Variants in ARIH2 observed in about 807,000 individuals in gnomAD.
ARIH2 encodes ariadne RBR E3 ubiquitin protein ligase 2, also known as E3 ubiquitin-protein ligase ARIH2.
A neutral mutation model predicts 79.8 loss-of-function variants in ARIH2; 12 were observed. The observed-to-expected ratio is 0.15, with a 90% CI of 0.10 to 0.24. ARIH2 has a LOEUF of 0.24. Ranked by LOEUF, ARIH2 falls within the 10% of genes least tolerant of loss-of-function variation. ARIH2 has a pLI of 1.00. For missense variants in ARIH2, 301 were observed against 618.3 expected (o/e 0.49, Z 5.44); for synonymous variants, 224 against 213.9 (o/e 1.05, Z -0.41).
intron 3 of ARIH2, among the ~76,000 whole-genome samples, chr3:48,951,306 T>G (rs1030122907): frequency 1.5e-4 from 23 of 152,132 alleles, no homozygotes; most frequent in African/African-American, 5.1e-4. Flanking sequence ...TAAATTCATT[T>G]ATTAGTGTTT....
intron 1 of ARIH2, among the ~76,000 whole-genome samples, chr3:48,920,834 G>A (rs2084713239): frequency 1.6e-5 from 1 of 63,842 alleles, no homozygotes; most frequent in Non-Finnish European, 3.0e-5. Context: ...GGTGGCGGGC[G>A]CCTGTAATCC....
intron 11 of ARIH2, chr3:48,975,226 G>A (rs1005727265): frequency 3.3e-6 from 2 of 611,110 alleles, no homozygotes; most frequent in East Asian, 2.9e-5. Context: ...TAAACCTCAT[G>A]ATCCTCAGTT....
rs1252116594 is a variant in ARIH2 at position 48,974,976 on chromosome 3, C to T, written c.958C>T (p.His320Tyr). Residue 320 changes from histidine to tyrosine, a missense_variant, in exon 11 of 16, where the codon CAC becomes TAC. His to Tyr is a moderately conservative substitution (Grantham distance 83). Around this residue, in one of 2 missense-constraint regions of ARIH2, gnomAD observed 78 missense variants for 268.9 expected, o/e 0.29. Coordinates refer to ENST00000356401, the MANE Select transcript of ARIH2 (RefSeq NM_006321.4). ...CNHMQCSKCK[H>Y]DFCWMCLGDW... ...CTGACAGCAATGCTCCAAATGTAAA[C>T]ACGGTGAGTTCCAAGCTTGGTGTGT... 8 of 1,614,092 alleles carry T rather than the reference C, an allele frequency of 5.0e-6. No individual in the cohort carries two copies. Among genetic ancestry groups the T allele is most frequent in the Non-Finnish European group, 5.9e-6 (7 of 1,180,050 alleles).
intron 3 of ARIH2, among the ~76,000 whole-genome samples, chr3:48,954,155 T>G (rs1352912930): frequency 6.8e-6 from 1 of 146,898 alleles, no homozygotes; most frequent in African/African-American, 2.5e-5. Flanking sequence ...AGCGAGACTT[T>G]GTCGCAAAAA....
chr3:48,982,596 A>C (rs572517166), intron 14 of ARIH2: 4 of 306,966 alleles, frequency 1.3e-5, no homozygotes, highest in Non-Finnish European at 2.4e-5. Flanking sequence ...TACAGCATCC[A>C]TTCCCTTTCA....
intron 3 of ARIH2, among the ~76,000 whole-genome samples, chr3:48,928,849 A>G (rs1232711079): frequency 3.3e-5 from 5 of 150,992 alleles, no homozygotes; most frequent in East Asian, 3.9e-4. Context: ...TTGTGTGACT[A>G]ATTTCTAGAA....
At chr3:48,967,028 G>GTGAGGAT in intron 5 of ARIH2, 97 bp from the exon 6 acceptor site, 1 of 1,310,808 alleles carries the variant, frequency 7.6e-7, no homozygotes, top group East Asian at 2.4e-5. Flanking sequence ...TTGTTGCAGG[G>GTGAGGAT]TGAGGATCAC....
chr3:48,942,025 A>G lies in ARIH2; in HGVS notation c.255+14212A>G, dbSNP rs572761673. 9.4e-4 allele frequency among the ~76,000 whole-genome samples: 140 copies of G among 149,168 alleles called. 2 individuals are homozygous for G. The highest frequency in any genetic ancestry group is 8.9e-4 in the Non-Finnish European group (60 of 67,690). On this transcript the variant is annotated intron_variant, in intron 3 of 15. Transcript: ENST00000356401. The stretch of plus-strand genomic sequence containing the variant: ...CTCAGCCTCCCGAGTAGCTGGGATT[A>G]CAGGCACACGCAACCATACCTGGCT...
intron 3 of ARIH2, among the ~76,000 whole-genome samples, chr3:48,952,526 A>G (rs1296971605): frequency 2.6e-5 from 4 of 152,202 alleles, no homozygotes; most frequent in Admixed American, 6.5e-5. Flanking sequence ...AGGGATATAC[A>G]TTAAGATGCC....
Position 48,927,688 on chromosome 3 carries a change from A to G in ARIH2, c.130A>G (p.Ser44Gly), listed in dbSNP as rs1348383417. The change falls in exon 3 of 16, where the codon AGC (serine) becomes GGC (glycine). Residue 44 changes from serine to glycine, a missense_variant. By Grantham distance (56) the Ser-to-Gly change is moderately conservative. This residue lies in a region of ARIH2 where 223 missense variants were observed against 349.4 expected (regional missense o/e 0.64). Transcript: ENST00000356401. ...DIEDYYVGVASDVEQQGADAF... is the reference protein window; with the variant it reads ...DIEDYYVGVAGDVEQQGADAF... ...AGAGGACTATTACGTGGGAGTAGCCAGCGATGTGGAGCAGCAGGGGGCTGA... is the reference window on the plus strand; with the variant it reads ...AGAGGACTATTACGTGGGAGTAGCCGGCGATGTGGAGCAGCAGGGGGCTGA... 1.2e-6 allele frequency: 2 copies of G among 1,614,064 alleles called. No homozygotes were observed.
intron 2 of ARIH2, among the ~76,000 whole-genome samples, 173 bp downstream of exon 2, chr3:48,922,984 G>A (rs2085019424): frequency 6.6e-6 from 1 of 152,116 alleles, no homozygotes; most frequent in South Asian, 2.1e-4. Flanking sequence ...GAGGTGGGCG[G>A]ATCACGAGGT....
At chr3:48,936,630 G>A (rs2087160682) in intron 3 of ARIH2, among the ~76,000 whole-genome samples, 1 of 152,174 alleles carries the variant, frequency 6.6e-6, no homozygotes. Flanking sequence ...CTACTTGGGA[G>A]GCTGAGGCAC....
chr3:48,980,286 A>G (rs2092702300), intron 12 of ARIH2, 67 bp from the exon 13 acceptor site: 1 of 1,543,818 alleles, frequency 6.5e-7, no homozygotes, highest in Non-Finnish European at 8.8e-7. Context: ...TCTATCCTGA[A>G]CTCCTGTGTA....
chr3:48,928,064 A>T, intron 3 of ARIH2: 1 of 478,210 alleles, frequency 2.1e-6, no homozygotes, highest in South Asian at 2.8e-5. Context: ...AGAAAGATGT[A>T]CCATACCAGA....
chr3:48,918,928 C>G lies in ARIH2; in HGVS notation c.-232C>G, dbSNP rs762779199. On this transcript the variant is annotated 5_prime_UTR_variant, in exon 1 of 16. The change creates a new upstream start codon in the 5' untranslated region. Coordinates refer to ENST00000356401, the MANE Select transcript of ARIH2 (RefSeq NM_006321.4). ...GCCTCCGCTGCCGCTTCGCCCCAATCCGGTCCCTCTGGCCCGGCCTGACCC... is the reference window on the plus strand; with the variant it reads ...GCCTCCGCTGCCGCTTCGCCCCAATGCGGTCCCTCTGGCCCGGCCTGACCC... 1.9e-6 allele frequency: 3 copies of G among 1,593,040 alleles called. No homozygotes were observed. The highest frequency in any genetic ancestry group is 1.7e-5 in the Admixed American group (1 of 57,672).
intron 6 of ARIH2, among the ~76,000 whole-genome samples, chr3:48,967,885 T>C (rs2107590981): frequency 6.6e-6 from 1 of 152,376 alleles, no homozygotes; most frequent in South Asian, 2.1e-4. Flanking sequence ...TGTGAAAATA[T>C]GCTAATTTCT....
At chr3:48,919,144 G>T in intron 1 of ARIH2, 146 bp downstream of exon 1, 1 of 1,304,152 alleles carries the variant, frequency 7.7e-7, no homozygotes, top group Non-Finnish European at 9.7e-7. Flanking sequence ...CACGTTGTCC[G>T]AGCATTACCC....
At chr3:48,941,275 G>A (rs1053316795) in intron 3 of ARIH2, among the ~76,000 whole-genome samples, 1 of 152,118 alleles carries the variant, frequency 6.6e-6, no homozygotes, top group Admixed American at 6.5e-5. Context: ...TGCAATTCTG[G>A]TCCTACAAAT....
At chr3:48,952,175 G>T (rs2090048933) in intron 3 of ARIH2, among the ~76,000 whole-genome samples, 1 of 152,004 alleles carries the variant, frequency 6.6e-6, no homozygotes, top group South Asian at 2.1e-4. Flanking sequence ...TTTCTCTTTT[G>T]ATTCCTGCTT....
Sources: allele counts gnomAD v4.1 joint callset (sites outside exome capture counted in the v4.1 genomes callset), GRCh38; gene constraint gnomAD v4.1.1; regional missense constraint gnomAD v4.1.1; transcripts MANE v1.5; gene names NCBI Gene and HGNC (gene_info 2026-07-23, HGNC 2026-07-21).